WWP1: variants seen among roughly 807,000 people sequenced by gnomAD.
WWP1 encodes the protein WW domain containing E3 ubiquitin protein ligase 1, also known as NEDD4-like E3 ubiquitin-protein ligase WWP1.
WWP1 carries 49 observed loss-of-function variants against 130.6 expected under a neutral mutation model. That is an observed-to-expected ratio of 0.38 (90% CI 0.30 to 0.48). WWP1 has a LOEUF of 0.48. Ranked by LOEUF, WWP1 falls within the 20% of genes least tolerant of loss-of-function variation. The pLI is 0.99. For synonymous variants in WWP1, 332 were observed against 367.8 expected (o/e 0.90, Z 1.11); for missense variants, 809 against 1,100.6 (o/e 0.74, Z 3.75).
At chr8:86,399,472 T>C (rs1807850584) in intron 7 of WWP1, among the ~76,000 whole-genome samples, 1 of 152,238 alleles carries the variant, frequency 6.6e-6, no homozygotes, top group South Asian at 2.1e-4. Context: ...TGTGGTAAAA[T>C]GGACTCATTA....
chr8:86,465,419 TGAG>T (rs1023028603), intron 24 of WWP1, among the ~76,000 whole-genome samples: 6 of 152,040 alleles, frequency 3.9e-5, no homozygotes, highest in South Asian at 2.1e-4. Flanking sequence ...GTAGAAATGA[TGAG>T]GAGGAGCCTG....
At chr8:86,354,893 C>G (rs143872208) in intron 1 of WWP1, among the ~76,000 whole-genome samples, 55 of 152,012 alleles carry the variant, frequency 3.6e-4, no homozygotes, top group African/African-American at 1.3e-3. Flanking sequence ...CCTTCTTATT[C>G]CTGATTCTAG....
chr8:86,370,878 T>TTTG (rs1444513571), intron 2 of WWP1, among the ~76,000 whole-genome samples: 1 of 133,698 alleles, frequency 7.5e-6, no homozygotes, highest in African/African-American at 2.9e-5. Context: ...TTTTTTTTTT[T>TTTG]TTTTTGAGAC....
intron 20 of WWP1, among the ~76,000 whole-genome samples, chr8:86,450,353 C>G (rs897828080): frequency 2.0e-5 from 3 of 151,978 alleles, no homozygotes; most frequent in Non-Finnish European, 4.4e-5. Flanking sequence ...ATTTATTACG[C>G]TAGTTGGAAA....
intron 8 of WWP1, among the ~76,000 whole-genome samples, chr8:86,405,968 T>C (rs1808256907): frequency 6.6e-6 from 1 of 152,234 alleles, no homozygotes; most frequent in African/African-American, 2.4e-5. Context: ...GACATTATTA[T>C]ATATGAGGGC....
intron 9 of WWP1, among the ~76,000 whole-genome samples, chr8:86,421,568 T>A (rs1181611534): frequency 3.3e-5 from 5 of 152,164 alleles, no homozygotes; most frequent in Non-Finnish European, 2.9e-5. Context: ...CTCACGCCTG[T>A]AATCTCAGCA....
intron 14 of WWP1, among the ~76,000 whole-genome samples, chr8:86,432,023 T>A (rs1810004862): frequency 6.6e-6 from 1 of 152,170 alleles, no homozygotes; most frequent in South Asian, 2.1e-4. Context: ...TAGATACTAT[T>A]ATTTTTCCCT....
intron 20 of WWP1, among the ~76,000 whole-genome samples, chr8:86,449,818 C>T (rs1040556644): frequency 1.8e-4 from 28 of 152,106 alleles, no homozygotes; most frequent in Non-Finnish European, 3.4e-4. Flanking sequence ...CACATTACTC[C>T]GTAGCTTACT....
chr8:86,456,330 C>T (rs1194675189), intron 21 of WWP1, among the ~76,000 whole-genome samples: 2 of 151,844 alleles, frequency 1.3e-5, no homozygotes, highest in Non-Finnish European at 3.0e-5. Flanking sequence ...GCAACCTACA[C>T]CCTGGGAGAA....
chr8:86,445,365 C>G (rs1232629645), intron 18 of WWP1, among the ~76,000 whole-genome samples: 1 of 152,046 alleles, frequency 6.6e-6, no homozygotes, highest in Non-Finnish European at 1.5e-5. Context: ...ATCGTAGTCC[C>G]CAGGTGTCTA....
chr8:86,438,812 G>T, intron 17 of WWP1, 139 bp downstream of exon 17: 2 of 600,746 alleles, frequency 3.3e-6, no homozygotes, highest in Non-Finnish European at 5.4e-6. Flanking sequence ...AAATACACAC[G>T]GTAACCATTA....
At chr8:86,346,854 A>T (rs1822614234) in intron 1 of WWP1, among the ~76,000 whole-genome samples, 1 of 152,148 alleles carries the variant, frequency 6.6e-6, no homozygotes, top group South Asian at 2.1e-4. Flanking sequence ...GATGAATTTT[A>T]TTGTTTTTGC....
At chr8:86,404,948 C>G (rs1331928385) in intron 8 of WWP1, 2 of 152,198 alleles carry the variant, frequency 1.3e-5, no homozygotes, top group African/African-American at 4.8e-5. Flanking sequence ...CAGCATTCCC[C>G]TAGCCTTTTC....
chr8:86,419,094 C>G (rs1382073406), intron 9 of WWP1, among the ~76,000 whole-genome samples: 1 of 151,968 alleles, frequency 6.6e-6, no homozygotes, highest in Non-Finnish European at 1.5e-5. Flanking sequence ...AGATAGAGAT[C>G]AAAAAAACAA....
chr8:86,440,697 C>T, intron 17 of WWP1: 1 of 454,068 alleles, frequency 2.2e-6, no homozygotes, highest in Non-Finnish European at 4.4e-6. Context: ...TTTTCTGTTC[C>T]ATTTGTTCCA....
chr8:86,462,227 C>T (rs959727317), intron 24 of WWP1, among the ~76,000 whole-genome samples: 1 of 152,042 alleles, frequency 6.6e-6, no homozygotes, highest in Non-Finnish European at 1.5e-5. Flanking sequence ...TAACAGAGAA[C>T]AACTAACGGG....
chr8:86,408,922 A>G (rs552015211), intron 8 of WWP1, among the ~76,000 whole-genome samples: 4 of 151,468 alleles, frequency 2.6e-5, no homozygotes, highest in African/African-American at 9.7e-5. Context: ...AAAAAAAAAA[A>G]TTTTTTTTCT....
intron 8 of WWP1, among the ~76,000 whole-genome samples, chr8:86,404,826 A>G (rs747506268): frequency 3.9e-5 from 6 of 152,232 alleles, no homozygotes; most frequent in Admixed American, 2.0e-4. Flanking sequence ...ACATTCCGCT[A>G]TCTGGCTGTT....
intron 20 of WWP1, among the ~76,000 whole-genome samples, chr8:86,451,599 G>C (rs151089127): frequency 6.6e-6 from 1 of 152,204 alleles, no homozygotes; most frequent in Non-Finnish European, 1.5e-5. Flanking sequence ...TTGAGGATAC[G>C]GGACAAAGAG....
Sources: gnomAD v4.1 joint callset for allele counts (sites outside exome capture counted in the v4.1 genomes callset) on GRCh38, gnomAD v4.1.1 for gene constraint, MANE v1.5 for transcripts, NCBI Gene and HGNC (gene_info 2026-07-23, HGNC 2026-07-21) for gene names.